Variants in CHD7 observed in about 807,000 individuals in gnomAD.
CHD7 encodes the protein ATP-dependent chromatin remodeler CHD7.
Under a neutral mutation model 307.3 loss-of-function variants are expected in CHD7, and 24 were observed. The ratio of observed to expected loss-of-function variants is 0.08; its 90% confidence interval spans 0.06 to 0.11. The LOEUF (loss-of-function observed/expected upper bound fraction) is 0.11, where lower values mean the gene tolerates loss of function less well. Ranked by LOEUF, CHD7 falls within the 10% of genes least tolerant of loss-of-function variation. The pLI, the probability that CHD7 is intolerant of heterozygous loss-of-function variation, is 1.00. For synonymous variants in CHD7, 1,363 were observed against 1,349.9 expected (o/e 1.01, Z -0.21); for missense variants, 3,106 against 3,727.1 (o/e 0.83, Z 4.34).
intron 2 of CHD7, among the ~76,000 whole-genome samples, chr8:60,754,892 G>A (rs937676804): frequency 1.3e-5 from 2 of 152,196 alleles, no homozygotes; most frequent in Non-Finnish European, 2.9e-5. Flanking sequence ...AGAAAGTTCA[G>A]TAGTACTAAG....
intron 3 of CHD7, among the ~76,000 whole-genome samples, chr8:60,784,898 C>G (rs1009571820): frequency 6.6e-6 from 1 of 152,070 alleles, no homozygotes; most frequent in Non-Finnish European, 1.5e-5. Flanking sequence ...TATCTTTTTT[C>G]CCTTTCCCGT....
intron 1 of CHD7, among the ~76,000 whole-genome samples, chr8:60,721,977 G>A (rs1807931826): frequency 6.6e-6 from 1 of 152,148 alleles, no homozygotes; most frequent in Non-Finnish European, 1.5e-5. Flanking sequence ...TTGGGGTCGG[G>A]GATGTTGCAT....
chr8:60,742,799 A>G lies in CHD7; in HGVS notation c.1367A>G (p.Gln456Arg). The G allele has an allele frequency of 6.2e-7, 1 of 1,614,060 alleles. No homozygotes were observed. ...AGGAATATGGGCCCCAGAAACATGC[A>G]GCAGTCTCGTCCATTTATAGGCATG... The part of the protein sequence containing the change: ...GQRNMGPRNM[Q>R]QSRPFIGMSS... The change falls in exon 2 of 38, where the codon CAG (glutamine) becomes CGG (arginine). Residue 456 changes from glutamine to arginine, a missense_variant. Physicochemically the swap from Gln to Arg is conservative, Grantham distance 43 (BLOSUM62 1). Transcript: ENST00000423902.
intron 1 of CHD7, among the ~76,000 whole-genome samples, chr8:60,688,932 A>C (rs1806055989): frequency 6.6e-6 from 1 of 152,128 alleles, no homozygotes; most frequent in East Asian, 1.9e-4. Flanking sequence ...AGTTCTCTTT[A>C]CCATGTAAAG....
intron 1 of CHD7, among the ~76,000 whole-genome samples, chr8:60,686,336 G>A (rs922476329): frequency 8.4e-6 from 1 of 118,948 alleles, no homozygotes; most frequent in Non-Finnish European, 1.7e-5. Flanking sequence ...TCTTCAACTT[G>A]CCAGTTTTTC....
At chr8:60,818,673 C>A (rs1050725421) in intron 8 of CHD7, among the ~76,000 whole-genome samples, 1 of 152,062 alleles carries the variant, frequency 6.6e-6, no homozygotes, top group African/African-American at 2.4e-5. Flanking sequence ...TTTCATAATT[C>A]ATGGTTCAAA....
At chr8:60,750,653 G>A (rs1457788434) in intron 2 of CHD7, among the ~76,000 whole-genome samples, 1 of 152,170 alleles carries the variant, frequency 6.6e-6, no homozygotes, top group East Asian at 1.9e-4. Flanking sequence ...AAAATTGCTT[G>A]TGAGATATTT....
intron 3 of CHD7, among the ~76,000 whole-genome samples, chr8:60,784,984 C>A (rs1186781616): frequency 6.6e-6 from 1 of 151,988 alleles, no homozygotes; most frequent in Non-Finnish European, 1.5e-5. Context: ...TTCAAATATT[C>A]GTTGCTAATA....
chr8:60,773,736 C>T (rs1218258678), intron 2 of CHD7, among the ~76,000 whole-genome samples: 2 of 152,046 alleles, frequency 1.3e-5, no homozygotes, highest in Non-Finnish European at 2.9e-5. Flanking sequence ...TGGTTCAGTC[C>T]CTGGGACAAA....
In CHD7 at chr8:60,842,085, T is replaced by C. The variant is rs369422783; in HGVS notation, c.4850+33T>C. 445 of 1,543,310 alleles carry C rather than the reference T, an allele frequency of 2.9e-4. 1 individual carries two copies. In the East Asian group the frequency reaches 8.6e-3, roughly 30 times the overall value. On this transcript the variant is annotated intron_variant, in intron 21 of 37. Transcript: ENST00000423902. ...GGACTCACTACGTAAGATAGAATTT[T>C]ATTGTAACAGTAGTTAGAATTCCCA... is the stretch of plus-strand genomic sequence containing the variant.
chr8:60,845,233 T>A lies in CHD7; in HGVS notation c.5051-17T>A. On this transcript the variant is annotated splice_polypyrimidine_tract_variant and intron_variant, in intron 22 of 37. Coordinates refer to ENST00000423902, the MANE Select transcript of CHD7 (RefSeq NM_017780.4). ...GAATGTAAAAGGCTTCTATTATTAT[T>A]ATGATGGTGATTCTAGGTTTGTCAG... 1 of 1,601,076 alleles carries A rather than the reference T, an allele frequency of 6.2e-7. No individual in the cohort carries two copies. The highest frequency in any genetic ancestry group is 8.5e-7 in the Non-Finnish European group (1 of 1,172,056).
At chr8:60,818,397 CTG>C (rs1803849924) in intron 8 of CHD7, among the ~76,000 whole-genome samples, 2 of 152,244 alleles carry the variant, frequency 1.3e-5, no homozygotes. Context: ...TCAGCACTGA[CTG>C]TGAAAGCTTA....
At chr8:60,723,365 C>T (rs1808005925) in intron 1 of CHD7, among the ~76,000 whole-genome samples, 1 of 151,950 alleles carries the variant, frequency 6.6e-6, no homozygotes, top group South Asian at 2.1e-4. Context: ...GTTTTTTTCT[C>T]CCCTAGGTAA....
chr8:60,702,032 T>C (rs766528252), intron 1 of CHD7, among the ~76,000 whole-genome samples: 1 of 152,234 alleles, frequency 6.6e-6, no homozygotes, highest in Non-Finnish European at 1.5e-5. Flanking sequence ...TTAAAAGTAG[T>C]GGGACCTATA....
chr8:60,789,736 T>A (rs1351798261), intron 3 of CHD7, among the ~76,000 whole-genome samples: 1 of 152,228 alleles, frequency 6.6e-6, no homozygotes, highest in Non-Finnish European at 1.5e-5. Context: ...ACAGAAGGAA[T>A]TGGTTATCTA....
intron 4 of CHD7, 53 bp from the exon 5 acceptor site, chr8:60,800,335 T>G: frequency 6.3e-7 from 1 of 1,579,106 alleles, no homozygotes; most frequent in Non-Finnish European, 8.6e-7. Context: ...CTCGGCCACA[T>G]TTTTCTTTTT....
chr8:60,687,147 C>T (rs929742838), intron 1 of CHD7, among the ~76,000 whole-genome samples: 1 of 152,170 alleles, frequency 6.6e-6, no homozygotes, highest in African/African-American at 2.4e-5. Flanking sequence ...CATATTATTT[C>T]AACACACCTA....
chr8:60,748,970 ATTT>A (rs1216748648), intron 2 of CHD7, among the ~76,000 whole-genome samples: 2,193 of 137,232 alleles, frequency 0.016, 42 homozygotes, highest in African/African-American at 0.052. Flanking sequence ...CAGTGGTACA[ATTT>A]TTTTTTTTTT....
At chr8:60,830,203 G>A in intron 14 of CHD7, 119 bp from the exon 15 acceptor site, 1 of 1,040,772 alleles carries the variant, frequency 9.6e-7, no homozygotes, top group Non-Finnish European at 1.4e-6. Context: ...CTCTCACTGG[G>A]CTTTGAAAAA....
Sources: gnomAD v4.1 joint callset for allele counts (sites outside exome capture counted in the v4.1 genomes callset) on GRCh38, gnomAD v4.1.1 for gene constraint, MANE v1.5 for transcripts, NCBI Gene and HGNC (gene_info 2026-07-23, HGNC 2026-07-21) for gene names.